LRRC8D: variants seen among roughly 807,000 people sequenced by gnomAD.
LRRC8D encodes leucine rich repeat containing 8 VRAC subunit D.
Under a neutral mutation model 55.8 loss-of-function variants are expected in LRRC8D, and 20 were observed. The ratio of observed to expected loss-of-function variants is 0.36; its 90% CI spans 0.25 to 0.52. LRRC8D has a LOEUF of 0.52. LRRC8D is among the 20% of genes least tolerant of loss of function. The pLI is 0.93. For synonymous variants in LRRC8D, 352 were observed against 377.0 expected, an observed-to-expected ratio of 0.93 and a Z score of 0.77; for missense variants, 651 against 1,030.8, an observed-to-expected ratio of 0.63 and a Z score of 5.05.
chr1:89,924,672 T>G (rs951478319), intron 2 of LRRC8D, among the ~76,000 whole-genome samples: 3 of 152,174 alleles, frequency 2.0e-5, no homozygotes, highest in Non-Finnish European at 4.4e-5. Flanking sequence ...AAGATGCCCG[T>G]TGACAGTGGA....
Position 89,833,544 on chromosome 1 carries a change from A to T in LRRC8D, c.-147-10094A>T, listed in dbSNP as rs370599221. On this transcript the variant is annotated intron_variant, in intron 1 of 2. Coordinates refer to ENST00000337338, the MANE Select transcript of LRRC8D (RefSeq NM_001134479.2). ...GGGAAGGACCTAGGATTTGGAGCTT[A>T]AAAGACTTGAGTTCTAATCCCAGCA... is the stretch of plus-strand genomic sequence containing the variant. 1.3e-5 allele frequency: 2 copies of T among 152,232 alleles called. 1 individual carries two copies. Among genetic ancestry groups the T allele is most frequent in the East Asian group, 3.8e-4 (2 of 5,202 alleles). The allele number at this position is 152,232 out of a possible 1,614,324, so 9.4% of individuals were successfully genotyped here.
intron 1 of LRRC8D, among the ~76,000 whole-genome samples, chr1:89,837,577 G>C (rs927678883): frequency 6.6e-6 from 1 of 152,182 alleles, no homozygotes; most frequent in African/African-American, 2.4e-5. Context: ...ACATCTCCAT[G>C]TCCATGTCTC....
chr1:89,929,288 T>C (rs974621664), intron 2 of LRRC8D, among the ~76,000 whole-genome samples: 6 of 152,152 alleles, frequency 3.9e-5, no homozygotes, highest in African/African-American at 1.2e-4. Context: ...GATAGCCTAG[T>C]GAAGAGGAGT....
At chr1:89,873,130 AG>A (rs1296698972) in intron 2 of LRRC8D, among the ~76,000 whole-genome samples, 1 of 152,172 alleles carries the variant, frequency 6.6e-6, no homozygotes, top group Non-Finnish European at 1.5e-5. Flanking sequence ...GTAATTGTAC[AG>A]GGGAGAGATC....
At chr1:89,837,877 C>G (rs1181313054) in intron 1 of LRRC8D, among the ~76,000 whole-genome samples, 1 of 151,952 alleles carries the variant, frequency 6.6e-6, no homozygotes, top group African/African-American at 2.4e-5. Context: ...AATTGTTTTT[C>G]TTCGTGTAGA....
intron 2 of LRRC8D, among the ~76,000 whole-genome samples, chr1:89,904,015 G>A (rs1198627046): frequency 1.3e-5 from 2 of 152,178 alleles, no homozygotes; most frequent in Non-Finnish European, 2.9e-5. Context: ...GGAATCCCCA[G>A]TTTAGCCTGA....
intron 2 of LRRC8D, among the ~76,000 whole-genome samples, chr1:89,925,784 A>G (rs929724654): frequency 9.2e-5 from 14 of 152,322 alleles, no homozygotes; most frequent in African/African-American, 3.1e-4. Context: ...CATTATCCCC[A>G]TTTTTGGTGG....
intron 2 of LRRC8D, among the ~76,000 whole-genome samples, chr1:89,869,961 A>G (rs187066701): frequency 6.8e-4 from 103 of 151,172 alleles, no homozygotes; most frequent in African/African-American, 2.2e-3. Flanking sequence ...TACAAAAATT[A>G]GCTGGCCATG....
chr1:89,915,508 C>T (rs1329889901), intron 2 of LRRC8D, among the ~76,000 whole-genome samples: 3 of 152,176 alleles, frequency 2.0e-5, no homozygotes, highest in African/African-American at 2.4e-5. Context: ...AAGATTTAGA[C>T]CTTAATTTGT....
chr1:89,853,475 G>A (rs1256130279), intron 2 of LRRC8D, among the ~76,000 whole-genome samples: 1 of 152,214 alleles, frequency 6.6e-6, no homozygotes, highest in African/African-American at 2.4e-5. Flanking sequence ...CAAAGACTGA[G>A]CAGACAAAAG....
chr1:89,934,740 TTGC>T lies in LRRC8D; in HGVS notation c.1674_1676del (p.Leu558_Leu559delinsPhe). On this transcript the variant is annotated inframe_deletion, in exon 3 of 3. Transcript: ENST00000337338. This position sits in a 1 kb window ranked among gnomAD's most constrained non-coding sequence, Gnocchi z 5.9. ...GGCTGAAATTCCTGCCTGGGTGTATTTGCTCAAAAACCTTCGAGAGTTGTACTT... is the reference window on the plus strand; with the variant it reads ...GGCTGAAATTCCTGCCTGGGTGTATTTCAAAAACCTTCGAGAGTTGTACTT... The T allele has an allele frequency of 6.2e-7, 1 of 1,614,182 alleles. No individual in the cohort carries two copies. The highest frequency in any genetic ancestry group is 8.5e-7 in the Non-Finnish European group (1 of 1,180,042).
intron 1 of LRRC8D, among the ~76,000 whole-genome samples, chr1:89,828,004 A>T (rs1282794804): frequency 6.6e-6 from 1 of 152,224 alleles, no homozygotes; most frequent in Non-Finnish European, 1.5e-5. Context: ...ATCTCTGGAT[A>T]TGGAGTTTAG....
Position 89,876,689 on chromosome 1 carries a change from A to C in LRRC8D, c.-3+32907A>C, listed in dbSNP as rs75461045. 8.4e-3 allele frequency among the ~76,000 whole-genome samples: 1,273 copies of C among 152,326 alleles called. 23 individuals carry two copies. The highest frequency in any genetic ancestry group is 0.029 in the African/African-American group (1,203 of 41,570). On this transcript the variant is annotated intron_variant, in intron 2 of 2. Transcript: ENST00000337338. ...CTACAGGACAGCTGCCTGTTTCTGC[A>C]ATAAAGTTTCTTTGGAACATAGCCA...
intron 2 of LRRC8D, among the ~76,000 whole-genome samples, chr1:89,900,126 GGTTATTGGT>G (rs1230447126): frequency 6.6e-6 from 1 of 152,160 alleles, no homozygotes; most frequent in Non-Finnish European, 1.5e-5. Context: ...AAAAGGACTG[GGTTATTGGT>G]GTAGAGATTT....
intron 1 of LRRC8D, among the ~76,000 whole-genome samples, chr1:89,840,827 C>G (rs1005920897): frequency 1.3e-5 from 2 of 151,872 alleles, no homozygotes; most frequent in Non-Finnish European, 2.9e-5. Context: ...TTTCCTTTGC[C>G]TTTTCTTAAG....
chr1:89,844,249 G>A (rs1294823652), intron 2 of LRRC8D, among the ~76,000 whole-genome samples: 2 of 152,228 alleles, frequency 1.3e-5, no homozygotes, highest in African/African-American at 4.8e-5. Flanking sequence ...ATGAGTTGTG[G>A]GTGAAGTGTA....
At chr1:89,824,729 T>G (rs1221400205) in intron 1 of LRRC8D, among the ~76,000 whole-genome samples, 1 of 152,316 alleles carries the variant, frequency 6.6e-6, no homozygotes. Context: ...TCACAGTCTT[T>G]TATTGGGATG....
intron 1 of LRRC8D, among the ~76,000 whole-genome samples, chr1:89,826,473 C>T (rs946299210): frequency 2.6e-5 from 4 of 152,110 alleles, no homozygotes; most frequent in Admixed American, 2.0e-4. Flanking sequence ...ACCATGGTCT[C>T]GATCTCCTGA....
chr1:89,892,361 C>T (rs943146697), intron 2 of LRRC8D, among the ~76,000 whole-genome samples: 1 of 152,188 alleles, frequency 6.6e-6, no homozygotes, highest in East Asian at 1.9e-4. Flanking sequence ...ATTTGCTATC[C>T]TTTTCAGCAT....
Sources: gnomAD v4.1 joint callset for allele counts (sites outside exome capture counted in the v4.1 genomes callset) on GRCh38, gnomAD v4.1.1 for gene constraint, Gnocchi (gnomAD v3.1) non-coding constraint, MANE v1.5 for transcripts, NCBI Gene and HGNC (gene_info 2026-07-23, HGNC 2026-07-21) for gene names.